The following TBC1D19 variants were observed in gnomAD, a reference collection of about 807,000 sequenced individuals.
TBC1D19 encodes the protein TBC1 domain family member 19, also known as TBC1 domain family, member 19.
A neutral mutation model predicts 89.0 loss-of-function variants in TBC1D19; 60 were observed. The ratio of observed to expected loss-of-function variants is 0.67; its 90% CI spans 0.55 to 0.84. The LOEUF (loss-of-function observed/expected upper bound fraction) is 0.84, where lower values mean the gene tolerates loss of function less well. Ranked by LOEUF, TBC1D19 falls within the 40% of genes least tolerant of loss-of-function variation. The pLI, the probability that TBC1D19 is intolerant of heterozygous loss-of-function variation, is 0.00. For missense variants in TBC1D19, 500 were observed against 610.8 expected, an observed-to-expected ratio of 0.82 and a Z score of 1.91; for synonymous variants, 189 against 199.7, an observed-to-expected ratio of 0.95 and a Z score of 0.45.
At chr4:26,731,055 C>T (rs1276580238) in intron 15 of TBC1D19, among the ~76,000 whole-genome samples, 2 of 152,124 alleles carry the variant, frequency 1.3e-5, no homozygotes, top group African/African-American at 2.4e-5. Flanking sequence ...GATGAGGAAG[C>T]AGGTTAAGTA....
the TBC1D19 span, among the ~76,000 whole-genome samples, chr4:26,815,742 T>A: frequency 3.3e-5 from 5 of 152,234 alleles, no homozygotes; most frequent in Non-Finnish European, 7.3e-5. Flanking sequence ...TTGTATTTAG[T>A]CATTCTGACT....
At chr4:26,650,399 C>G (rs942235401) in intron 7 of TBC1D19, among the ~76,000 whole-genome samples, 7 of 151,966 alleles carry the variant, frequency 4.6e-5, no homozygotes, top group Non-Finnish European at 7.4e-5. Context: ...TTTAATGATC[C>G]TCATTCTAAC....
the TBC1D19 span, among the ~76,000 whole-genome samples, chr4:26,854,334 T>A: frequency 1.3e-5 from 2 of 152,330 alleles, no homozygotes; most frequent in African/African-American, 4.8e-5. Flanking sequence ...TACTAATTTT[T>A]GATCTTAGCA....
chr4:26,584,481 T>C (rs938277653), intron 1 of TBC1D19, among the ~76,000 whole-genome samples, 189 bp downstream of exon 1: 1 of 152,056 alleles, frequency 6.6e-6, no homozygotes, highest in African/African-American at 2.4e-5. Context: ...AAACCCCACC[T>C]CCCTGTCCGG....
chr4:26,743,970 A>G lies in TBC1D19; in HGVS notation c.1319+1371A>G, dbSNP rs76491709. ...TGACATGATAAACATTAAAATTCCT[A>G]TATAGGAAAAGTGTAAAAATTCTAA... On this transcript the variant is annotated intron_variant, in intron 18 of 20. Coordinates refer to ENST00000264866, the MANE Select transcript of TBC1D19 (RefSeq NM_018317.4). Among the ~76,000 whole-genome samples the G allele has an allele frequency of 5.7e-3, 863 of 151,770 alleles. 8 individuals carry two copies. The highest frequency in any genetic ancestry group is 0.02 in the African/African-American group (824 of 41,562).
At chr4:26,750,244 G>A (rs1718875708) in intron 19 of TBC1D19, among the ~76,000 whole-genome samples, 1 of 152,188 alleles carries the variant, frequency 6.6e-6, no homozygotes, top group Non-Finnish European at 1.5e-5. Flanking sequence ...TTTCTCAAGT[G>A]AGAGAATTGT....
intron 4 of TBC1D19, among the ~76,000 whole-genome samples, chr4:26,628,905 A>C (rs1742612865): frequency 6.6e-6 from 1 of 152,082 alleles, no homozygotes; most frequent in Non-Finnish European, 1.5e-5. Flanking sequence ...GGGTAGGAAG[A>C]ATCAATATCA....
chr4:26,812,938 C>T, the TBC1D19 span, among the ~76,000 whole-genome samples: 6 of 152,112 alleles, frequency 3.9e-5, no homozygotes, highest in South Asian at 1.2e-3. This position sits in a 1 kb window ranked among gnomAD's most constrained non-coding sequence, Gnocchi z 4.2. Flanking sequence ...AATATCAGGC[C>T]AGGTGTGTTG....
chr4:26,835,945 A>G, the TBC1D19 span, among the ~76,000 whole-genome samples: 1 of 151,434 alleles, frequency 6.6e-6, no homozygotes, highest in Admixed American at 6.6e-5. Context: ...TGCCTATACC[A>G]CATGCATTCT....
At chr4:26,596,629 T>TC (rs1009396926) in intron 1 of TBC1D19, among the ~76,000 whole-genome samples, 14 of 151,346 alleles carry the variant, frequency 9.3e-5, no homozygotes, top group African/African-American at 3.4e-4. Flanking sequence ...TTTTTTTTTT[T>TC]TTGAGATTGA....
the TBC1D19 span, among the ~76,000 whole-genome samples, chr4:26,814,899 G>A: frequency 6.6e-6 from 1 of 152,022 alleles, no homozygotes; most frequent in Non-Finnish European, 1.5e-5. Flanking sequence ...GCACGCGCCT[G>A]TTGTCCCAGC....
chr4:26,711,793 A>G (rs1283257008), intron 13 of TBC1D19, among the ~76,000 whole-genome samples: 1 of 152,098 alleles, frequency 6.6e-6, no homozygotes, highest in African/African-American at 2.4e-5. Flanking sequence ...CAGATTTACA[A>G]TTGAACTGTC....
chr4:26,682,489 C>A (rs6833757), intron 11 of TBC1D19, among the ~76,000 whole-genome samples: 146,140 of 152,222 alleles, frequency 0.96, 70,346 homozygotes, highest in Non-Finnish European at 1. Context: ...TTATCCTGGC[C>A]AGGCAGCTAC....
intron 19 of TBC1D19, among the ~76,000 whole-genome samples, chr4:26,750,968 C>T (rs1347968565): frequency 6.6e-6 from 1 of 152,076 alleles, no homozygotes; most frequent in Non-Finnish European, 1.5e-5. Flanking sequence ...TTTTGAAGAA[C>T]AGTTTAAAGC....
intron 1 of TBC1D19, among the ~76,000 whole-genome samples, chr4:26,605,359 C>T (rs1186531624): frequency 1.3e-5 from 2 of 150,694 alleles, no homozygotes; most frequent in African/African-American, 4.9e-5. Flanking sequence ...CAATTTCATC[C>T]ATGTCCCTAC....
chr4:26,856,875 T>C, the TBC1D19 span, among the ~76,000 whole-genome samples: 3,190 of 152,286 alleles, frequency 0.021, 54 homozygotes, highest in African/African-American at 0.039. Context: ...CGCCCTCTGA[T>C]TGCACCGGGC....
At chr4:26,651,871 T>A (rs1201224209) in intron 7 of TBC1D19, among the ~76,000 whole-genome samples, 2 of 152,146 alleles carry the variant, frequency 1.3e-5, no homozygotes, top group Non-Finnish European at 2.9e-5. Flanking sequence ...GCTCTTATTA[T>A]TTTGAGATAT....
At chr4:26,836,074 T>G in the TBC1D19 span, among the ~76,000 whole-genome samples, 1 of 152,194 alleles carries the variant, frequency 6.6e-6, no homozygotes, top group Admixed American at 6.5e-5. Flanking sequence ...CCTTGCCTCT[T>G]TGGCTTCAGA....
At chr4:26,690,925 G>A (rs1277962199) in intron 13 of TBC1D19, among the ~76,000 whole-genome samples, 1 of 152,186 alleles carries the variant, frequency 6.6e-6, no homozygotes. Flanking sequence ...TGATTCCTCT[G>A]ATGGATCTGG....
Sources: allele counts gnomAD v4.1 joint callset (sites outside exome capture counted in the v4.1 genomes callset), GRCh38; gene constraint gnomAD v4.1.1; non-coding constraint Gnocchi (gnomAD v3.1); transcripts MANE v1.5; gene names NCBI Gene and HGNC (gene_info 2026-07-23, HGNC 2026-07-21).